The following FRMD8 variants were observed in gnomAD, a reference collection of about 807,000 sequenced individuals.
FRMD8 encodes FERM domain-containing protein 8.
Under a neutral mutation model 54.2 loss-of-function variants are expected in FRMD8, and 37 were observed. The observed-to-expected ratio is 0.68, with a 90% CI of 0.53 to 0.90. FRMD8 has a LOEUF of 0.90. FRMD8 is among the 40% of genes least tolerant of loss of function. FRMD8 has a pLI of 0.00. For missense variants in FRMD8, 585 were observed against 653.7 expected (o/e 0.89, Z 1.15); for synonymous variants, 246 against 286.9 (o/e 0.86, Z 1.44).
chr11:65,371,765 C>T, the FRMD8 span, among the ~76,000 whole-genome samples: 93 of 152,292 alleles, frequency 6.1e-4, no homozygotes, highest in African/African-American at 2.2e-3. Flanking sequence ...CAGGTGCGTG[C>T]CACCATGCCC....
chr11:65,397,175 G>T (rs1187631552), intron 7 of FRMD8, among the ~76,000 whole-genome samples, 155 bp downstream of exon 7: 1 of 152,156 alleles, frequency 6.6e-6, no homozygotes, highest in Non-Finnish European at 1.5e-5. Flanking sequence ...ACCGTTCCAA[G>T]CTGGGCACCT....
chr11:65,388,017 A>G (rs1230938547), intron 2 of FRMD8, among the ~76,000 whole-genome samples: 1 of 152,142 alleles, frequency 6.6e-6, no homozygotes, highest in Non-Finnish European at 1.5e-5. Context: ...AATGCAAATT[A>G]GCTGGGCGTG....
chr11:65,393,736 C>A, intron 4 of FRMD8, 62 bp downstream of exon 4: 1 of 1,381,486 alleles, frequency 7.2e-7, no homozygotes, highest in Non-Finnish European at 1.0e-6. Flanking sequence ...CTCTGGCTCC[C>A]AGCCCAGCCA....
the FRMD8 span, among the ~76,000 whole-genome samples, chr11:65,368,524 T>C: frequency 6.6e-6 from 1 of 151,998 alleles, no homozygotes; most frequent in Admixed American, 6.6e-5. Flanking sequence ...AACTATTTAC[T>C]GAGCACCTCT....
At chr11:65,388,390 G>A (rs1855775285) in intron 2 of FRMD8, among the ~76,000 whole-genome samples, 1 of 152,144 alleles carries the variant, frequency 6.6e-6, no homozygotes, top group Non-Finnish European at 1.5e-5. Context: ...CAGACTGGGG[G>A]TCCGAGGAGC....
At chr11:65,370,560 G>A in the FRMD8 span, among the ~76,000 whole-genome samples, 2 of 151,978 alleles carry the variant, frequency 1.3e-5, no homozygotes, top group African/African-American at 4.8e-5. Context: ...AATTAGCCGG[G>A]TGTGATGGCG....
chr11:65,405,876 C>T (rs1161960706), intron 10 of FRMD8, among the ~76,000 whole-genome samples: 1 of 151,922 alleles, frequency 6.6e-6, no homozygotes, highest in Admixed American at 6.6e-5. Flanking sequence ...GTGGTATATG[C>T]CTGTAGTCTC....
At chr11:65,407,043 A>G (rs954552027) in intron 10 of FRMD8, among the ~76,000 whole-genome samples, 1 of 151,832 alleles carries the variant, frequency 6.6e-6, no homozygotes, top group African/African-American at 2.4e-5. Flanking sequence ...ATTGAAGTCC[A>G]AAAGAATTTT....
chr11:65,381,893 A>G (rs777475478), upstream of FRMD8: 5 of 1,613,962 alleles, frequency 3.1e-6, no homozygotes, highest in East Asian at 1.1e-4. Flanking sequence ...GTGATGTGAC[A>G]GAAGGAAGAA....
chr11:65,374,082 G>A, the FRMD8 span, among the ~76,000 whole-genome samples: 1 of 152,158 alleles, frequency 6.6e-6, no homozygotes, highest in Non-Finnish European at 1.5e-5. Flanking sequence ...AGGCCAAGGC[G>A]GGTGGATCAC....
intron 9 of FRMD8, among the ~76,000 whole-genome samples, chr11:65,401,593 G>A (rs563580617): frequency 1.3e-5 from 2 of 150,460 alleles, no homozygotes; most frequent in South Asian, 2.1e-4. Context: ...CCATGCTGGG[G>A]GCTGCTTCTA....
chr11:65,374,992 G>GAAAAAGAAAAAT, the FRMD8 span, among the ~76,000 whole-genome samples: 1 of 151,816 alleles, frequency 6.6e-6, no homozygotes, highest in Non-Finnish European at 1.5e-5. Context: ...TAGAGAAAAA[G>GAAAAAGAAAAAT]AAAAAGAAAA....
chr11:65,388,250 G>A (rs997056542), intron 2 of FRMD8, among the ~76,000 whole-genome samples: 1 of 152,106 alleles, frequency 6.6e-6, no homozygotes, highest in Admixed American at 6.5e-5. Flanking sequence ...TCCCAGGCAG[G>A]CTGTGGAAGC....
chr11:65,409,423 T>C (rs1043593469), intron 10 of FRMD8, among the ~76,000 whole-genome samples: 1 of 152,156 alleles, frequency 6.6e-6, no homozygotes, highest in African/African-American at 2.4e-5. Context: ...ATATTTAGAT[T>C]TCCTTCCTGA....
intron 6 of FRMD8, among the ~76,000 whole-genome samples, 169 bp from the exon 7 acceptor site, chr11:65,396,630 A>G (rs1222973704): frequency 6.6e-6 from 1 of 151,638 alleles, no homozygotes; most frequent in African/African-American, 2.4e-5. Context: ...CGAGAACTGA[A>G]CCCCCTCTGT....
chr11:65,370,094 C>G, the FRMD8 span, among the ~76,000 whole-genome samples: 1,578 of 151,372 alleles, frequency 0.01, 35 homozygotes, highest in African/African-American at 0.036. Context: ...AGGTGGCACA[C>G]ACTTGTAATC....
rs748135562 is a variant in FRMD8 at position 65,411,259 on chromosome 11, G to C, written c.1294G>C (p.Val432Leu). The C allele has an allele frequency of 5.0e-6, 8 of 1,608,480 alleles. No homozygotes were observed. The highest frequency in any genetic ancestry group is 6.8e-6 in the Non-Finnish European group (8 of 1,178,532). Residue 432 changes from valine (V) to leucine (L), a missense_variant, in exon 11 of 11, where the codon GTG becomes CTG. Physicochemically the swap from Val to Leu is conservative, Grantham distance 32. Coordinates refer to ENST00000317568, the MANE Select transcript of FRMD8 (RefSeq NM_031904.5). Reference protein sequence around the residue: ...YVEDGKGIRRVKPKRTTSFFS... With the variant: ...YVEDGKGIRRLKPKRTTSFFS... ...CCTCGCAGGCAAGGGGATCAGGCGAGTGAAGCCGAAGCGCACCACATCCTT... is the reference window on the plus strand; with the variant it reads ...CCTCGCAGGCAAGGGGATCAGGCGACTGAAGCCGAAGCGCACCACATCCTT...
At position 65,412,616 on chromosome 11, in the gene FRMD8, C is replaced by T. The variant is rs1856360465; in HGVS notation, c.*1256C>T. On this transcript the variant is annotated 3_prime_UTR_variant, in exon 11 of 11. Transcript: ENST00000317568. ...GGTGTGCGGGTCTCACAGGTGCTTC[C>T]TGGGACTTCCTGTGGCTGCACAGGG... 1 of 152,220 alleles carries T rather than the reference C, an allele frequency of 6.6e-6. No homozygotes were observed. The highest frequency in any genetic ancestry group is 1.5e-5 in the Non-Finnish European group (1 of 68,064). The allele number at this position is 152,220 out of a possible 1,614,324, so 9.4% of individuals were successfully genotyped here. A position where few individuals can be genotyped will look rare whatever the true frequency, so the allele number is the denominator to read the frequency against.
In FRMD8 at chr11:65,404,822, A is replaced by AG; in HGVS notation, c.1072-37dup. On this transcript the variant is annotated intron_variant, in intron 9 of 10. Transcript: ENST00000317568. This position sits in a 1 kb window ranked among gnomAD's most constrained non-coding sequence, Gnocchi z 4.7. The stretch of plus-strand genomic sequence containing the variant: ...TTTCAGGCTCAGCAACAGGCATGGA[A>AG]GGGGGCCCTGGCCAGGCCTCACACT... 6.5e-7 allele frequency: 1 copy of AG among 1,540,862 alleles called. No homozygotes were observed. Among genetic ancestry groups the AG allele is most frequent in the Non-Finnish European group, 8.9e-7 (1 of 1,119,622 alleles).
Sources: allele counts gnomAD v4.1 joint callset (sites outside exome capture counted in the v4.1 genomes callset), GRCh38; gene constraint gnomAD v4.1.1; non-coding constraint Gnocchi (gnomAD v3.1); transcripts MANE v1.5; gene names NCBI Gene and HGNC (gene_info 2026-07-23, HGNC 2026-07-21).